The following PTPRM variants were observed in gnomAD, a reference collection of about 807,000 sequenced individuals.
PTPRM encodes the protein protein tyrosine phosphatase receptor type M.
PTPRM carries 47 observed loss-of-function variants against 186.7 expected under a neutral mutation model. The ratio of observed to expected loss-of-function variants is 0.25; its 90% CI spans 0.20 to 0.32. The LOEUF (loss-of-function observed/expected upper bound fraction) is 0.32, where lower values mean the gene tolerates loss of function less well. Ranked by LOEUF, PTPRM falls within the 10% of genes least tolerant of loss-of-function variation. PTPRM has a pLI of 1.00. For missense variants in PTPRM, 1,494 were observed against 1,865.0 expected, an observed-to-expected ratio of 0.80 and a Z score of 3.66; for synonymous variants, 668 against 674.9, an observed-to-expected ratio of 0.99 and a Z score of 0.16.
intron 13 of PTPRM, among the ~76,000 whole-genome samples, chr18:8,134,853 A>G (rs1346110778): frequency 6.6e-6 from 1 of 152,096 alleles, no homozygotes; most frequent in African/African-American, 2.4e-5. Context: ...TATATTGGGG[A>G]ATGCTGTAGT....
intron 7 of PTPRM, among the ~76,000 whole-genome samples, chr18:8,026,892 G>A (rs1344875356): frequency 1.3e-5 from 2 of 152,010 alleles, no homozygotes; most frequent in Non-Finnish European, 2.9e-5. Flanking sequence ...AACAAAGCTT[G>A]TCATTTTTTA....
chr18:8,384,892 G>A lies in PTPRM; in HGVS notation c.4044+206G>A, dbSNP rs1386028984. Reference sequence around the variant, plus strand: ...AAAGTAATGATACTTATTAAAGCACGGCAAGGCAGATTTTATTCAAGACCA... The same window carrying A: ...AAAGTAATGATACTTATTAAAGCACAGCAAGGCAGATTTTATTCAAGACCA... On this transcript the variant is annotated intron_variant, in intron 30 of 32. Transcript: ENST00000580170. 3.3e-5 allele frequency among the ~76,000 whole-genome samples: 5 copies of A among 152,160 alleles called. 1 individual carries two copies. The highest frequency in any genetic ancestry group is 2.0e-4 in the Admixed American group (3 of 15,274).
chr18:7,833,970 G>T (rs183411930), intron 2 of PTPRM, among the ~76,000 whole-genome samples: 1 of 152,072 alleles, frequency 6.6e-6, no homozygotes, highest in African/African-American at 2.4e-5. Context: ...TTGCCTGATT[G>T]TTCTAGCTAG....
chr18:7,857,202 C>T (rs1292444224), intron 2 of PTPRM, among the ~76,000 whole-genome samples: 2 of 152,078 alleles, frequency 1.3e-5, no homozygotes, highest in African/African-American at 4.8e-5. Context: ...CAGATGGTCA[C>T]ATTCAGTAGG....
At chr18:7,684,047 C>T (rs571986407) in intron 1 of PTPRM, among the ~76,000 whole-genome samples, 2 of 152,254 alleles carry the variant, frequency 1.3e-5, no homozygotes, top group Admixed American at 1.3e-4. Context: ...AGCTCTCTGA[C>T]TTTTCCCTGG....
rs1161844231 is a variant in PTPRM, at chr18:7,718,987, G to A, written c.74-55162G>A. Reference sequence around the variant, plus strand: ...TACAACCACTATGGAAAATAGTATGGAGATTCTCTAAAGAACTAAAAGTAG... The same window carrying A: ...TACAACCACTATGGAAAATAGTATGAAGATTCTCTAAAGAACTAAAAGTAG... On this transcript the variant is annotated intron_variant, in intron 1 of 32. Transcript: ENST00000580170. Among the ~76,000 whole-genome samples, 4 of 152,176 alleles carry A rather than the reference G, an allele frequency of 2.6e-5. No homozygotes were observed. The East Asian group carries it at 7.7e-4, about 29-fold the overall frequency.
intron 1 of PTPRM, among the ~76,000 whole-genome samples, chr18:7,700,666 A>C (rs904613653): frequency 6.6e-6 from 1 of 152,188 alleles, no homozygotes; most frequent in Non-Finnish European, 1.5e-5. Context: ...GGCGCCTGGA[A>C]GATGAAACTT....
intron 2 of PTPRM, among the ~76,000 whole-genome samples, chr18:7,831,566 AC>A (rs2045761214): frequency 6.6e-6 from 1 of 152,192 alleles, no homozygotes; most frequent in African/African-American, 2.4e-5. Flanking sequence ...CATAACAACC[AC>A]ATCATGAAAA....
At chr18:8,209,255 G>C (rs2093970158) in intron 14 of PTPRM, among the ~76,000 whole-genome samples, 2 of 152,180 alleles carry the variant, frequency 1.3e-5, no homozygotes, top group Admixed American at 6.5e-5. Context: ...AAGGACACAA[G>C]CGAAGAGACT....
intron 11 of PTPRM, among the ~76,000 whole-genome samples, chr18:8,090,858 G>C (rs2090680979): frequency 6.6e-6 from 1 of 152,180 alleles, no homozygotes; most frequent in South Asian, 2.1e-4. Context: ...GCCTCCCAAA[G>C]TGCAGGGATT....
chr18:7,687,180 G>C (rs1018850312), intron 1 of PTPRM, among the ~76,000 whole-genome samples: 1 of 152,076 alleles, frequency 6.6e-6, no homozygotes, highest in Admixed American at 6.5e-5. Context: ...TATTGATAAT[G>C]TAATTTTGTC....
chr18:8,275,630 C>T (rs773434392), intron 19 of PTPRM, among the ~76,000 whole-genome samples: 13 of 152,166 alleles, frequency 8.5e-5, no homozygotes, highest in African/African-American at 1.2e-4. Context: ...TAGGAAACTG[C>T]GGTTTGCTTT....
At chr18:7,884,821 G>A (rs995154109) in intron 2 of PTPRM, among the ~76,000 whole-genome samples, 1 of 150,520 alleles carries the variant, frequency 6.6e-6, no homozygotes, top group African/African-American at 2.4e-5. Flanking sequence ...CTACTCAGGA[G>A]GCTGAGGCAG....
chr18:7,643,916 A>C (rs1488654365), intron 1 of PTPRM, among the ~76,000 whole-genome samples: 1 of 152,198 alleles, frequency 6.6e-6, no homozygotes, highest in Non-Finnish European at 1.5e-5. Context: ...AAACAATTTA[A>C]TATTGATGAA....
intron 7 of PTPRM, among the ~76,000 whole-genome samples, chr18:7,972,243 T>G (rs1185860677): frequency 7.6e-6 from 1 of 131,304 alleles, no homozygotes; most frequent in Non-Finnish European, 1.5e-5. Flanking sequence ...TTCTCACGCA[T>G]AGGTGGGAAT....
chr18:7,685,717 G>GT (rs368421933), intron 1 of PTPRM, among the ~76,000 whole-genome samples: 62 of 148,758 alleles, frequency 4.2e-4, no homozygotes, highest in East Asian at 2.2e-3. Context: ...AAGGCTATTG[G>GT]TTTTTTTTTT....
intron 7 of PTPRM, among the ~76,000 whole-genome samples, chr18:7,977,427 G>T (rs1158761143): frequency 1.3e-5 from 2 of 151,984 alleles, no homozygotes; most frequent in East Asian, 1.9e-4. Flanking sequence ...GCACTTCACC[G>T]TAGGTCCCTC....
intron 7 of PTPRM, among the ~76,000 whole-genome samples, chr18:7,966,488 G>C (rs2054064147): frequency 6.6e-6 from 1 of 152,064 alleles, no homozygotes; most frequent in Non-Finnish European, 1.5e-5. Context: ...CCGGTCTACA[G>C]CTCCCAGCGT....
rs762652996 is a variant in PTPRM at position 8,387,216 on chromosome 18, C to T, written c.4189C>T (p.Arg1397Cys). ...AGAGGAGTACAATGGCGGGGAAGGC[C>T]GCACGGTTGTGCACTGCTTGTAAGT... ...WQEEYNGGEG[R>C]TVVHCLNGGG... Residue 1397 changes from arginine to cysteine, a missense_variant, in exon 31 of 33, where the codon CGC (arginine) becomes TGC (cysteine). By Grantham distance (180) the Arg-to-Cys change is radical (BLOSUM62 -3). Coordinates refer to ENST00000580170, the MANE Select transcript of PTPRM (RefSeq NM_001105244.2). 22 of 1,613,780 alleles carry T rather than the reference C, an allele frequency of 1.4e-5. No homozygotes were observed. Among genetic ancestry groups the T allele is most frequent in the East Asian group, 2.2e-5 (1 of 44,882 alleles).
Sources: gnomAD v4.1 joint callset for allele counts (sites outside exome capture counted in the v4.1 genomes callset) on GRCh38, gnomAD v4.1.1 for gene constraint, MANE v1.5 for transcripts, NCBI Gene and HGNC (gene_info 2026-07-23, HGNC 2026-07-21) for gene names.